The following KREMEN1 variants were observed in gnomAD, a reference collection of about 807,000 sequenced individuals.
The protein encoded by KREMEN1 is kremen protein 1.
Under a neutral mutation model 46.5 loss-of-function variants are expected in KREMEN1, and 30 were observed. The ratio of observed to expected loss-of-function variants is 0.65; its 90% CI spans 0.48 to 0.88. The LOEUF is 0.88. Among genes scored for constraint, KREMEN1 ranks in the 40% least tolerant of loss-of-function variants. The pLI, the probability that KREMEN1 is intolerant of heterozygous loss-of-function variation, is 0.00. For synonymous variants in KREMEN1, 214 were observed against 230.6 expected (o/e 0.93, Z 0.65); for missense variants, 533 against 596.9 (o/e 0.89, Z 1.11).
At chr22:29,152,370 G>T (rs1056555768) in intron 9 of KREMEN1, among the ~76,000 whole-genome samples, 1 of 152,172 alleles carries the variant, frequency 6.6e-6, no homozygotes, top group Non-Finnish European at 1.5e-5. Context: ...TAACCAATTT[G>T]CCACCCTCAG....
Position 29,144,536 on chromosome 22 carries a change from G to A in KREMEN1, c.*2424G>A, listed in dbSNP as rs574948309. ...TGTCTCCAAGAGGCCTGTCACACAG[G>A]AGGACCGCTGGAAACATACCAACAC... On this transcript the variant is annotated 3_prime_UTR_variant, in exon 9 of 9. Coordinates refer to ENST00000400335, the MANE Select transcript of KREMEN1 (RefSeq NM_001039570.3). The A allele has an allele frequency of 3.0e-6, 3 of 985,524 alleles. No individual in the cohort carries two copies. Among genetic ancestry groups the A allele is most frequent in the African/African-American group, 3.5e-5 (2 of 57,364 alleles). The allele number at this position is 985,524 out of a possible 1,614,324, so 61.0% of individuals were successfully genotyped here.
chr22:29,152,912 C>T (rs557831859), intron 9 of KREMEN1, among the ~76,000 whole-genome samples: 12 of 152,356 alleles, frequency 7.9e-5, no homozygotes, highest in Non-Finnish European at 1.8e-4. Context: ...AGGAGGGCTA[C>T]TCCATAGGGA....
intron 1 of KREMEN1, among the ~76,000 whole-genome samples, chr22:29,091,636 G>C (rs2037807796): frequency 6.6e-6 from 1 of 152,116 alleles, no homozygotes; most frequent in Admixed American, 6.5e-5. Context: ...AGAACCACCT[G>C]GGCTGCCTTT....
At chr22:29,156,566 TGCTCTCCGC>T (rs2038964284) in intron 9 of KREMEN1, among the ~76,000 whole-genome samples, 2 of 29,648 alleles carry the variant, frequency 6.7e-5, no homozygotes, top group African/African-American at 2.2e-4. Context: ...CGCACAGGAA[TGCTCTCCGC>T]ACAGGACGCT....
At chr22:29,133,247 C>CAA (rs147076750) in intron 5 of KREMEN1, among the ~76,000 whole-genome samples, 20,814 of 125,832 alleles carry the variant, frequency 0.17, 1,893 homozygotes, top group Non-Finnish European at 0.18. Context: ...GACTCCATCT[C>CAA]AAAAAAAAAA....
At chr22:29,102,728 G>T (rs780550601) in intron 3 of KREMEN1, among the ~76,000 whole-genome samples, 1 of 152,140 alleles carries the variant, frequency 6.6e-6, no homozygotes, top group Non-Finnish European at 1.5e-5. Flanking sequence ...ATGCTTTCCT[G>T]TTCCAAAAAA....
chr22:29,085,477 A>G (rs947816543), intron 1 of KREMEN1, among the ~76,000 whole-genome samples: 1 of 152,210 alleles, frequency 6.6e-6, no homozygotes, highest in African/African-American at 2.4e-5. Context: ...AAAAAAAACA[A>G]TAATTCCTTA....
chr22:29,161,491 A>G (rs1187497560), intron 9 of KREMEN1, among the ~76,000 whole-genome samples: 2 of 130,488 alleles, frequency 1.5e-5, no homozygotes, highest in African/African-American at 6.0e-5. Context: ...TGGGTGACAG[A>G]GTGAGACTCC....
At chr22:29,081,074 G>C (rs915964227) in intron 1 of KREMEN1, among the ~76,000 whole-genome samples, 1 of 149,770 alleles carries the variant, frequency 6.7e-6, no homozygotes, top group African/African-American at 2.5e-5. Flanking sequence ...GTGCCATGTT[G>C]GTGTGCTGCA....
intron 9 of KREMEN1, among the ~76,000 whole-genome samples, chr22:29,159,138 T>G (rs1405778591): frequency 2.7e-5 from 4 of 150,374 alleles, no homozygotes; most frequent in Non-Finnish European, 5.9e-5. Flanking sequence ...TTTTTTTTTT[T>G]TTTTTTTTTT....
At chr22:29,099,553 T>C (rs909195480) in intron 3 of KREMEN1, 3 of 137,152 alleles carry the variant, frequency 2.2e-5, no homozygotes, top group Middle Eastern at 3.5e-3. Flanking sequence ...TTTCCTTTTT[T>C]TTTTTTTTTT....
At chr22:29,113,979 C>A (rs559837129) in intron 3 of KREMEN1, among the ~76,000 whole-genome samples, 1 of 152,154 alleles carries the variant, frequency 6.6e-6, no homozygotes, top group South Asian at 2.1e-4. Flanking sequence ...CACAAAGACC[C>A]CTTTCAGTTC....
intron 3 of KREMEN1, among the ~76,000 whole-genome samples, chr22:29,113,094 C>T (rs1236371393): frequency 1.3e-5 from 2 of 152,120 alleles, no homozygotes; most frequent in Non-Finnish European, 2.9e-5. Context: ...CCAGACTGGT[C>T]CTATAAGAAA....
chr22:29,127,536 GCCTGTAAT>G (rs1181392699), intron 5 of KREMEN1, among the ~76,000 whole-genome samples: 1 of 152,094 alleles, frequency 6.6e-6, no homozygotes, highest in Non-Finnish European at 1.5e-5. Context: ...TGGCACACGT[GCCTGTAAT>G]CCCAGCTACT....
intron 9 of KREMEN1, among the ~76,000 whole-genome samples, chr22:29,165,343 A>G (rs2039043895): frequency 6.6e-6 from 1 of 151,870 alleles, no homozygotes; most frequent in African/African-American, 2.4e-5. Flanking sequence ...TCAAAGGTAC[A>G]GTGAGCCACG....
chr22:29,147,223 T>C (rs963358364), downstream of KREMEN1, among the ~76,000 whole-genome samples: 6 of 152,186 alleles, frequency 3.9e-5, no homozygotes, highest in Non-Finnish European at 7.3e-5. Context: ...TTTGACAAAA[T>C]GCCTCTAAAG....
In KREMEN1 at chr22:29,144,891, G is replaced by A. The variant is rs937815126; in HGVS notation, c.*2779G>A. On this transcript the variant is annotated 3_prime_UTR_variant, in exon 9 of 9. Coordinates refer to ENST00000400335, the MANE Select transcript of KREMEN1 (RefSeq NM_001039570.3). Reference sequence around the variant, plus strand: ...GGCAGCACTTCCTCGGAGGGCCTGGGAGGTGCTGGGGATGCCCCAGCGCTT... The same window carrying A: ...GGCAGCACTTCCTCGGAGGGCCTGGAAGGTGCTGGGGATGCCCCAGCGCTT... The A allele has an allele frequency of 1.0e-6, 1 of 985,468 alleles. No individual in the cohort carries two copies. The highest frequency in any genetic ancestry group is 1.1e-4 in the East Asian group (1 of 8,820). The allele number at this position is 985,468 out of a possible 1,614,324, so 61.0% of individuals were successfully genotyped here.
chr22:29,160,333 C>T (rs573805165), intron 9 of KREMEN1, among the ~76,000 whole-genome samples: 3 of 151,272 alleles, frequency 2.0e-5, no homozygotes, highest in East Asian at 3.9e-4. Context: ...GAGTTCGAGA[C>T]CAGCCTGCCC....
At chr22:29,096,679 C>G (rs903695608) in intron 2 of KREMEN1, among the ~76,000 whole-genome samples, 1 of 152,196 alleles carries the variant, frequency 6.6e-6, no homozygotes, top group Non-Finnish European at 1.5e-5. Context: ...AGCACTGCAG[C>G]AAAGTCAAGG....
Sources: gnomAD v4.1 joint callset for allele counts (sites outside exome capture counted in the v4.1 genomes callset) on GRCh38, gnomAD v4.1.1 for gene constraint, MANE v1.5 for transcripts, NCBI Gene and HGNC (gene_info 2026-07-23, HGNC 2026-07-21) for gene names.